STX2: variants seen among roughly 807,000 people sequenced by gnomAD.
STX2 encodes the protein syntaxin-2.
Under a neutral mutation model 40.6 loss-of-function variants are expected in STX2, and 27 were observed. That is an observed-to-expected ratio of 0.66 (90% CI 0.49 to 0.92). The LOEUF (loss-of-function observed/expected upper bound fraction) is 0.92, where lower values mean the gene tolerates loss of function less well. Among genes scored for constraint, STX2 ranks in the 40% least tolerant of loss-of-function variants. The pLI is 0.00. For missense variants in STX2, 328 were observed against 366.1 expected (o/e 0.90, Z 0.85); for synonymous variants, 123 against 119.1 (o/e 1.03, Z -0.22).
At chr12:130,835,641 T>C (rs1017125415) in intron 1 of STX2, among the ~76,000 whole-genome samples, 3 of 152,176 alleles carry the variant, frequency 2.0e-5, no homozygotes, top group African/African-American at 7.2e-5. Flanking sequence ...CCAGGCTGCA[T>C]GCATCCCCAC....
rs563673148 is a variant in STX2 at position 130,826,450 on chromosome 12, G to A, written c.105+743C>T. On this transcript the variant is annotated intron_variant, in intron 2 of 10. Transcript: ENST00000392373. ...CAGCAGCCAGCACCGGGTGGGAGAA[G>A]TGGCCGCCCACCAGCAGAGGGCGCT... Among the ~76,000 whole-genome samples, 4 of 152,334 alleles carry A rather than the reference G, an allele frequency of 2.6e-5. No individual in the cohort carries two copies. In the South Asian group the frequency reaches 8.3e-4, roughly 32 times the overall value.
chr12:130,823,434 C>T (rs1952189425), intron 2 of STX2, among the ~76,000 whole-genome samples: 1 of 152,244 alleles, frequency 6.6e-6, no homozygotes, highest in African/African-American at 2.4e-5. Context: ...CAGATGTGAT[C>T]AAATTGAGTC....
intron 3 of STX2, among the ~76,000 whole-genome samples, chr12:130,817,166 A>G (rs1483296271): frequency 6.6e-6 from 1 of 152,154 alleles, no homozygotes; most frequent in Non-Finnish European, 1.5e-5. Flanking sequence ...ACCCATCCAC[A>G]GAGGCACCAG....
At chr12:130,821,651 G>A in intron 3 of STX2, 38 bp downstream of exon 3, 1 of 1,538,066 alleles carries the variant, frequency 6.5e-7, no homozygotes, top group African/African-American at 1.4e-5. Flanking sequence ...GGGACACACA[G>A]ACAGACAAAC....
At chr12:130,828,121 T>G (rs997060293) in intron 1 of STX2, among the ~76,000 whole-genome samples, 4 of 152,198 alleles carry the variant, frequency 2.6e-5, no homozygotes, top group Admixed American at 1.3e-4. Context: ...ACCCTAAGGA[T>G]AAGATATTTA....
chr12:130,804,409 T>C (rs10734979), intron 6 of STX2, among the ~76,000 whole-genome samples: 85,293 of 152,046 alleles, frequency 0.56, 26,410 homozygotes, highest in East Asian at 0.88. Flanking sequence ...TGTTCTGCAA[T>C]GAGGTCTGAA....
chr12:130,820,593 G>A (rs188032303), intron 3 of STX2, among the ~76,000 whole-genome samples: 3 of 152,232 alleles, frequency 2.0e-5, no homozygotes, highest in African/African-American at 7.2e-5. Flanking sequence ...TTGAACCCGG[G>A]AGGCGGAAGT....
chr12:130,808,120 G>A (rs1951510421), intron 5 of STX2, among the ~76,000 whole-genome samples: 1 of 152,172 alleles, frequency 6.6e-6, no homozygotes, highest in African/African-American at 2.4e-5. Context: ...CCCACCCTGA[G>A]AAATGCATGT....
At chr12:130,821,601 C>T (rs1476158592) in intron 3 of STX2, 88 bp downstream of exon 3, 1 of 1,084,954 alleles carries the variant, frequency 9.2e-7, no homozygotes. Context: ...CTGAATCTCC[C>T]GTGAGGCCAG....
Position 130,829,150 on chromosome 12 carries a change from T to C in STX2, c.31-1883A>G, listed in dbSNP as rs112295478. On this transcript the variant is annotated intron_variant, in intron 1 of 10. Coordinates refer to ENST00000392373, the MANE Select transcript of STX2 (RefSeq NM_194356.4). ...CGCTATTTCAGAGTAGAACACATGC[T>C]CAATGGTTATGGTCTCAGAGCTAAG... Among the ~76,000 whole-genome samples, 597 of 152,234 alleles carry C rather than the reference T, an allele frequency of 3.9e-3. 2 individuals are homozygous for C. The highest frequency in any genetic ancestry group is 0.014 in the African/African-American group (564 of 41,548).
At chr12:130,804,102 A>T (rs1951335845) in intron 6 of STX2, among the ~76,000 whole-genome samples, 1 of 152,202 alleles carries the variant, frequency 6.6e-6, no homozygotes, top group African/African-American at 2.4e-5. Flanking sequence ...TACAGCCCCA[A>T]CCATTCCAGA....
In STX2 at chr12:130,813,014, C is replaced by T; in HGVS notation, c.223G>A (p.Glu75Lys). 1 of 1,527,040 alleles carries T rather than the reference C, an allele frequency of 6.5e-7. No individual in the cohort carries two copies. Among genetic ancestry groups the T allele is most frequent in the Non-Finnish European group, 8.7e-7 (1 of 1,144,230 alleles). 94.6% of individuals were successfully genotyped at this position (1,527,040 alleles called of 1,614,324 possible). ...TTCTTGATTTCTTTGTTCAGATCTT[C>T]AAGCTCTTCTTTTATTTCTATAAAA... ...NPEGKIKEEL[E>K]DLNKEIKKTA... The change falls in exon 4 of 11, where the codon GAA becomes AAA. Residue 75 changes from glutamate (E) to lysine (K), a missense_variant. By Grantham distance (56) the Glu-to-Lys change is moderately conservative (BLOSUM62 1). Coordinates refer to ENST00000392373, the MANE Select transcript of STX2 (RefSeq NM_194356.4).
At chr12:130,796,207 G>T in intron 9 of STX2, 87 bp from the exon 10 acceptor site, 1 of 1,550,648 alleles carries the variant, frequency 6.4e-7, no homozygotes, top group South Asian at 1.2e-5. Context: ...AAAATAAAAC[G>T]ACCTGGCCAG....
chr12:130,806,028 G>A (rs1951419367), intron 6 of STX2, among the ~76,000 whole-genome samples: 1 of 152,196 alleles, frequency 6.6e-6, no homozygotes, highest in African/African-American at 2.4e-5. Flanking sequence ...ACAGAAACCA[G>A]TGTCTCCGAT....
At chr12:130,803,228 T>A (rs1951295344) in intron 6 of STX2, among the ~76,000 whole-genome samples, 1 of 152,196 alleles carries the variant, frequency 6.6e-6, no homozygotes, top group Non-Finnish European at 1.5e-5. Flanking sequence ...AGAGCACACA[T>A]GGTGGTTTAC....
At chr12:130,822,258 C>A (rs189800131) in intron 2 of STX2, among the ~76,000 whole-genome samples, 3 of 152,094 alleles carry the variant, frequency 2.0e-5, no homozygotes, top group Admixed American at 2.0e-4. Context: ...CTCTACTAAA[C>A]GTACAAAAAT....
chr12:130,829,037 G>C (rs1297247417), intron 1 of STX2, among the ~76,000 whole-genome samples: 1 of 151,970 alleles, frequency 6.6e-6, no homozygotes. Context: ...CGGTTCCCAG[G>C]GTCTGCAGGA....
intron 1 of STX2, among the ~76,000 whole-genome samples, chr12:130,834,465 G>GT (rs1312917960): frequency 5.3e-5 from 8 of 152,088 alleles, no homozygotes; most frequent in South Asian, 2.1e-4. Flanking sequence ...GAGGAGGGGC[G>GT]TATCAGTCCG....
chr12:130,793,856 A>C (rs1020086339), intron 10 of STX2, among the ~76,000 whole-genome samples: 3 of 152,190 alleles, frequency 2.0e-5, no homozygotes, highest in African/African-American at 7.2e-5. Context: ...AAGGACATTA[A>C]CCACTGCCTT....
Sources: allele counts gnomAD v4.1 joint callset (sites outside exome capture counted in the v4.1 genomes callset), GRCh38; gene constraint gnomAD v4.1.1; transcripts MANE v1.5; gene names NCBI Gene and HGNC (gene_info 2026-07-23, HGNC 2026-07-21).